The following MYH9 variants were observed in gnomAD, a reference collection of about 807,000 sequenced individuals.
MYH9 encodes myosin heavy chain 9, also known as myosin-9.
In MYH9, 29 loss-of-function variants were observed where a neutral mutation model predicts 241.9. The ratio of observed to expected loss-of-function variants is 0.12; its 90% CI spans 0.09 to 0.16. MYH9 has a LOEUF of 0.16. Ranked by LOEUF, MYH9 falls within the 10% of genes least tolerant of loss-of-function variation. The pLI is 1.00. For synonymous variants in MYH9, 1,047 were observed against 1,062.6 expected, an observed-to-expected ratio of 0.99 and a Z score of 0.29; for missense variants, 1,803 against 2,595.5, an observed-to-expected ratio of 0.69 and a Z score of 6.63.
At chr22:36,351,048 T>C (rs373834463) in intron 1 of MYH9, among the ~76,000 whole-genome samples, 3 of 152,262 alleles carry the variant, frequency 2.0e-5, no homozygotes, top group South Asian at 2.1e-4. Flanking sequence ...CCAAGGAGGC[T>C]GGGGGCATGG....
At chr22:36,314,727 C>T (rs958314944) in intron 12 of MYH9, among the ~76,000 whole-genome samples, 5 of 152,004 alleles carry the variant, frequency 3.3e-5, no homozygotes, top group Non-Finnish European at 7.3e-5. Flanking sequence ...CAGCTCACTG[C>T]AGCCTCCGCT....
chr22:36,361,022 A>C lies in MYH9; in HGVS notation c.-19-11767T>G, dbSNP rs140790712. On this transcript the variant is annotated intron_variant, in intron 1 of 40. Transcript: ENST00000216181. ...GAGCAGTTATCTACAGGGTGGGTCA[A>C]TAAAGTGGCTCCTCTGTCACCCAGG... 1.1e-3 allele frequency among the ~76,000 whole-genome samples: 166 copies of C among 152,308 alleles called. 1 individual carries two copies. The highest frequency in any genetic ancestry group is 3.8e-3 in the African/African-American group (156 of 41,572).
rs1377717241 is a variant in MYH9, at chr22:36,294,161, C to T, written c.3768G>A (p.Glu1256=). ...CTCCCTCGTTGAACTTGACCTGCAG[C>T]TCCTGCAGCTGCGCCTCCACTTTCT... The part of the protein sequence containing the change: ...KRKKVEAQLQ[E]LQVKFNEGER... Residue 1256 remains glutamate, a synonymous_variant, in exon 28 of 41, where the codon GAG becomes GAA. Coordinates refer to ENST00000216181, the MANE Select transcript of MYH9 (RefSeq NM_002473.6). 1.2e-6 allele frequency: 2 copies of T among 1,613,388 alleles called. No individual in the cohort carries two copies. The highest frequency in any genetic ancestry group is 1.3e-5 in the African/African-American group (1 of 75,072).
In MYH9 at chr22:36,320,910, A is replaced by T. The variant is rs775910402; in HGVS notation, c.770-14T>A. On this transcript the variant is annotated splice_polypyrimidine_tract_variant and intron_variant, in intron 7 of 40. Coordinates refer to ENST00000216181, the MANE Select transcript of MYH9 (RefSeq NM_002473.6). This position sits in a 1 kb window ranked among gnomAD's most constrained non-coding sequence, Gnocchi z 4.8. ...TCTCCAAAAGATCTTTGCAAATATT[A>T]AGGAGCAACACAAGCTGGGGAGAAG... 1.1e-5 allele frequency: 18 copies of T among 1,608,200 alleles called. No individual in the cohort carries two copies. Among genetic ancestry groups the T allele is most frequent in the Middle Eastern group, 1.7e-4 (1 of 6,032 alleles).
At chr22:36,302,805 G>C in intron 19 of MYH9, 129 bp from the exon 20 acceptor site, 1 of 747,140 alleles carries the variant, frequency 1.3e-6, no homozygotes, top group Non-Finnish European at 2.3e-6. Context: ...GAAATTCAGG[G>C]AAGGGGTCTG....
At position 36,306,562 on chromosome 22, in the gene MYH9, G is replaced by T. The variant is rs1186383756; in HGVS notation, c.1889C>A (p.Thr630Asn). 6.2e-7 allele frequency: 1 copy of T among 1,613,946 alleles called. No individual in the cohort carries two copies. Among genetic ancestry groups the T allele is most frequent in the East Asian group, 2.2e-5 (1 of 44,884 alleles). The change falls in exon 16 of 41, where the codon ACC becomes AAC. Residue 630 changes from threonine to asparagine, a missense_variant. Physicochemically the swap from Thr to Asn is moderately conservative, Grantham distance 65. Transcript: ENST00000216181. The surrounding 1 kb of genome is among the most constrained non-coding windows in gnomAD (Gnocchi z 4.1). ...CGTCTTGAAGGCCCCGGGCAGTGCG[G>T]TCTCCGACATGCCGGCCACCTGGTC... ...GLDQVAGMSE[T>N]ALPGAFKTRK...
rs73165587 is a variant in MYH9, at chr22:36,286,572, A to G, written c.5061+146T>C. The G allele has an allele frequency of 1.8e-3, 2,035 of 1,147,410 alleles. 4 individuals are homozygous for G. Among genetic ancestry groups the G allele is most frequent in the Non-Finnish European group, 2.3e-3 (1,781 of 787,296 alleles). The allele number at this position is 1,147,410 out of a possible 1,614,324, so 71.1% of individuals were successfully genotyped here. The stretch of plus-strand genomic sequence containing the variant: ...GCCCCGCTATGAAACGGAACCCTGG[A>G]GGGAATCCTTATGTAACCTGAGAGC... On this transcript the variant is annotated intron_variant, in intron 35 of 40. Coordinates refer to ENST00000216181, the MANE Select transcript of MYH9 (RefSeq NM_002473.6).
intron 19 of MYH9, among the ~76,000 whole-genome samples, chr22:36,302,962 A>G (rs1359864707): frequency 2.0e-5 from 3 of 152,188 alleles, no homozygotes; most frequent in African/African-American, 7.2e-5. Flanking sequence ...AAGTAACCAC[A>G]GATCCTACTC....
chr22:36,363,428 C>G (rs972553818), intron 1 of MYH9, among the ~76,000 whole-genome samples: 1 of 152,194 alleles, frequency 6.6e-6, no homozygotes, highest in South Asian at 2.1e-4. Context: ...AGAGAATGAC[C>G]ACTCCAAGGG....
intron 27 of MYH9, 45 bp downstream of exon 27, chr22:36,294,887 C>A (rs376877395): frequency 2.5e-6 from 4 of 1,604,552 alleles, no homozygotes; most frequent in Non-Finnish European, 2.5e-6. Flanking sequence ...GGGCCCAGCA[C>A]GGGGAACCCT....
At chr22:36,316,816 C>T (rs961008205) in intron 11 of MYH9, 147 bp from the exon 12 acceptor site, 3 of 820,488 alleles carry the variant, frequency 3.7e-6, no homozygotes, top group East Asian at 2.7e-5. Context: ...TCTTCGTACA[C>T]AAATATGTTC....
chr22:36,322,832 C>G (rs1690545679), intron 5 of MYH9, among the ~76,000 whole-genome samples: 1 of 152,238 alleles, frequency 6.6e-6, no homozygotes, highest in African/African-American at 2.4e-5. Context: ...GAAAGCAGCA[C>G]TTAAACTAGG....
chr22:36,334,291 C>T (rs963624408), intron 3 of MYH9, among the ~76,000 whole-genome samples: 1 of 152,220 alleles, frequency 6.6e-6, no homozygotes, highest in Non-Finnish European at 1.5e-5. Context: ...TCGAGGACAG[C>T]GCCTCCCGGC....
intron 3 of MYH9, among the ~76,000 whole-genome samples, chr22:36,328,109 C>T (rs567909903): frequency 9.8e-5 from 15 of 152,338 alleles, no homozygotes; most frequent in Admixed American, 8.5e-4. Flanking sequence ...CACACCAGCA[C>T]GGTGTCTGGC....
Position 36,322,469 on chromosome 22 carries a change from C to G in MYH9, c.665G>C (p.Gly222Ala). The G allele has an allele frequency of 6.2e-7, 1 of 1,613,896 alleles. No homozygotes were observed. The highest frequency in any genetic ancestry group is 2.2e-5 in the East Asian group (1 of 44,890). Residue 222 changes from glycine (G) to alanine (A), a missense_variant, in exon 6 of 41, where the codon GGG (glycine) becomes GCG (alanine). Physicochemically the swap from Gly to Ala is moderately conservative, Grantham distance 60. This residue lies in a region of MYH9 where 222 missense variants were observed against 359.9 expected (regional missense o/e 0.62). Coordinates refer to ENST00000216181, the MANE Select transcript of MYH9 (RefSeq NM_002473.6). ...LQANPILEAF[G>A]NAKTVKNDNS... Reference sequence around the variant, plus strand: ...GTCATTCTTCACGGTCTTGGCGTTCCCGAAGGCCTCCAGGATGGGGTTGGC... The same window carrying G: ...GTCATTCTTCACGGTCTTGGCGTTCGCGAAGGCCTCCAGGATGGGGTTGGC...
At chr22:36,378,744 G>A (rs2018209925) in intron 1 of MYH9, among the ~76,000 whole-genome samples, 1 of 151,994 alleles carries the variant, frequency 6.6e-6, no homozygotes, top group Admixed American at 6.6e-5. Flanking sequence ...CAAAAAAGAC[G>A]AAGGGAGTAG....
At chr22:36,336,275 AGT>A (rs2017497356) in intron 3 of MYH9, among the ~76,000 whole-genome samples, 1 of 152,238 alleles carries the variant, frequency 6.6e-6, no homozygotes, top group African/African-American at 2.4e-5. Flanking sequence ...TTCCTCAACC[AGT>A]GAGTTCTCCT....
At chr22:36,310,164 G>C (rs546111864) in intron 14 of MYH9, among the ~76,000 whole-genome samples, 70 of 150,212 alleles carry the variant, frequency 4.7e-4, no homozygotes, top group African/African-American at 1.5e-3. Flanking sequence ...CAGCCCCTAG[G>C]GGGGCTGAGG....
At chr22:36,365,074 C>T (rs551822990) in intron 1 of MYH9, 1 of 151,736 alleles carries the variant, frequency 6.6e-6, no homozygotes, top group African/African-American at 2.4e-5. Flanking sequence ...AAATAAGCTC[C>T]CAGAGCTGGG....
Sources: gnomAD v4.1 joint callset for allele counts (sites outside exome capture counted in the v4.1 genomes callset) on GRCh38, gnomAD v4.1.1 for gene constraint, gnomAD v4.1.1 regional missense constraint, Gnocchi (gnomAD v3.1) non-coding constraint, MANE v1.5 for transcripts, NCBI Gene and HGNC (gene_info 2026-07-23, HGNC 2026-07-21) for gene names.